Variants in DLG2 observed in about 807,000 individuals in gnomAD.
DLG2 encodes the protein disks large homolog 2.
In DLG2, 45 loss-of-function variants were observed where a neutral mutation model predicts 132.5. That is an observed-to-expected ratio of 0.34 (90% CI 0.27 to 0.44). The LOEUF (loss-of-function observed/expected upper bound fraction) is 0.44, where lower values mean the gene tolerates loss of function less well. DLG2 is among the 20% of genes least tolerant of loss of function. DLG2 has a pLI of 1.00. For missense variants in DLG2, 1,045 were observed against 1,196.9 expected (o/e 0.87, Z 1.87); for synonymous variants, 424 against 419.6 (o/e 1.01, Z -0.13).
chr11:83,562,184 G>A lies in DLG2; in HGVS notation c.1941-20326C>T, dbSNP rs146405718. ...TTACATGCGTGAGCCACCGTGCCTG[G>A]CCTTAGTATTCCTATTCTGTAGATA... On this transcript the variant is annotated intron_variant, in intron 19 of 27. Transcript: ENST00000376104. 6.6e-5 allele frequency among the ~76,000 whole-genome samples: 10 copies of A among 152,108 alleles called. No homozygotes were observed. The East Asian group carries it at 1.5e-3, about 23-fold the overall frequency.
At chr11:84,813,919 G>C (rs577392690) in intron 6 of DLG2, among the ~76,000 whole-genome samples, 1 of 151,934 alleles carries the variant, frequency 6.6e-6, no homozygotes, top group Non-Finnish European at 1.5e-5. Context: ...CTATCATTTG[G>C]AAATAGGATG....
chr11:85,369,585 T>C (rs1344678832), intron 3 of DLG2, among the ~76,000 whole-genome samples: 1 of 152,222 alleles, frequency 6.6e-6, no homozygotes, highest in Non-Finnish European at 1.5e-5. Context: ...TCTTTGGCTA[T>C]GGCCCATCTG....
At chr11:84,747,025 C>A (rs1053704656) in intron 6 of DLG2, among the ~76,000 whole-genome samples, 1 of 152,126 alleles carries the variant, frequency 6.6e-6, no homozygotes, top group African/African-American at 2.4e-5. Context: ...CAGTCCAGAA[C>A]CAAACACTGG....
chr11:85,386,135 G>A (rs2086302780), intron 3 of DLG2, among the ~76,000 whole-genome samples: 1 of 152,092 alleles, frequency 6.6e-6, no homozygotes, highest in Admixed American at 6.6e-5. Context: ...ATGAAATTGT[G>A]GAAGAATCAC....
chr11:85,342,373 G>A (rs1031823575), intron 3 of DLG2, among the ~76,000 whole-genome samples: 1 of 151,768 alleles, frequency 6.6e-6, no homozygotes, highest in Non-Finnish European at 1.5e-5. Context: ...ATTAGCCTAG[G>A]CCTATATGAG....
At chr11:84,759,750 T>C (rs2067354579) in intron 6 of DLG2, among the ~76,000 whole-genome samples, 1 of 152,316 alleles carries the variant, frequency 6.6e-6, no homozygotes, top group South Asian at 2.1e-4. Context: ...CAAAAACTTG[T>C]CTTCATATGC....
At chr11:84,005,637 TCAA>T (rs35861377) in intron 11 of DLG2, among the ~76,000 whole-genome samples, 19,330 of 151,360 alleles carry the variant, frequency 0.13, 1,676 homozygotes, top group East Asian at 0.3. Flanking sequence ...CTCAAACAAC[TCAA>T]CAACAACAAA....
At chr11:85,337,265 G>A (rs1420998938) in intron 3 of DLG2, among the ~76,000 whole-genome samples, 1 of 150,316 alleles carries the variant, frequency 6.7e-6, no homozygotes, top group African/African-American at 2.4e-5. Flanking sequence ...TTTCTTTTTT[G>A]TAGAGACAAT....
intron 6 of DLG2, among the ~76,000 whole-genome samples, chr11:84,605,585 C>T (rs1231264514): frequency 7.0e-6 from 1 of 142,852 alleles, no homozygotes; most frequent in South Asian, 2.3e-4. Context: ...GCTACGTAAT[C>T]CTCTGCAAAA....
chr11:84,441,398 G>A (rs145836011), intron 7 of DLG2, among the ~76,000 whole-genome samples: 27 of 152,090 alleles, frequency 1.8e-4, no homozygotes, highest in East Asian at 1.2e-3. Context: ...AGTGATCCTC[G>A]TACCTTGGGT....
At chr11:83,503,367 A>ATT (rs1228381628) in intron 21 of DLG2, among the ~76,000 whole-genome samples, 23 of 35,434 alleles carry the variant, frequency 6.5e-4, no homozygotes, top group Admixed American at 2.2e-3. Context: ...ACACACACCC[A>ATT]TTTATATATA....
intron 6 of DLG2, among the ~76,000 whole-genome samples, chr11:84,709,840 T>G (rs2060180122): frequency 6.6e-6 from 1 of 151,914 alleles, no homozygotes; most frequent in South Asian, 2.1e-4. Flanking sequence ...ATTGTAGACT[T>G]GAATAGAAAA....
chr11:84,610,364 G>A (rs1374781736), intron 6 of DLG2, among the ~76,000 whole-genome samples: 2 of 151,320 alleles, frequency 1.3e-5, no homozygotes, highest in African/African-American at 4.9e-5. Context: ...GATTTTTTTT[G>A]CCCTTAATAC....
intron 6 of DLG2, among the ~76,000 whole-genome samples, chr11:85,098,748 A>AT (rs373099045): frequency 2.7e-3 from 410 of 151,634 alleles, no homozygotes; most frequent in African/African-American, 8.1e-3. Flanking sequence ...TATCATGTTT[A>AT]TTTTTTTTTA....
At chr11:85,613,771 C>A (rs962613021) in intron 2 of DLG2, among the ~76,000 whole-genome samples, 34 of 152,332 alleles carry the variant, frequency 2.2e-4, no homozygotes, top group Admixed American at 2.0e-3. Context: ...GCAGCAGCAA[C>A]CCGCTTGGGT....
chr11:83,662,222 T>A (rs1394855310), intron 18 of DLG2, among the ~76,000 whole-genome samples: 1 of 152,170 alleles, frequency 6.6e-6, no homozygotes, highest in Non-Finnish European at 1.5e-5. Flanking sequence ...AAAACAGCTT[T>A]CACCCCAGAC....
intron 18 of DLG2, among the ~76,000 whole-genome samples, chr11:83,657,639 C>T (rs113913024): frequency 5.0e-4 from 75 of 148,670 alleles, no homozygotes; most frequent in African/African-American, 1.7e-3. Flanking sequence ...CCCGGGTTCA[C>T]GCCATTCTCC....
chr11:85,085,800 C>A (rs1033844699), intron 6 of DLG2, among the ~76,000 whole-genome samples: 1 of 152,118 alleles, frequency 6.6e-6, no homozygotes, highest in Non-Finnish European at 1.5e-5. Flanking sequence ...ACTCCAAAGT[C>A]AGTGTCCTTA....
At chr11:84,074,481 AC>A (rs2154147535) in intron 10 of DLG2, among the ~76,000 whole-genome samples, 1 of 149,156 alleles carries the variant, frequency 6.7e-6, no homozygotes, top group Non-Finnish European at 1.5e-5. Context: ...CACGGGTTCC[AC>A]TCCTGTTTTC....
Sources: gnomAD v4.1 joint callset for allele counts (sites outside exome capture counted in the v4.1 genomes callset) on GRCh38, gnomAD v4.1.1 for gene constraint, MANE v1.5 for transcripts, NCBI Gene and HGNC (gene_info 2026-07-23, HGNC 2026-07-21) for gene names.